Variants in CCSER1 observed in about 807,000 individuals in gnomAD.
CCSER1 encodes coiled-coil serine rich protein 1.
A neutral mutation model predicts 82.0 loss-of-function variants in CCSER1; 41 were observed. The ratio of observed to expected loss-of-function variants is 0.50; its 90% CI spans 0.39 to 0.65. The LOEUF is 0.65. Ranked by LOEUF, CCSER1 falls within the 30% of genes least tolerant of loss-of-function variation. CCSER1 has a pLI of 0.00. For synonymous variants in CCSER1, 414 were observed against 383.9 expected, an observed-to-expected ratio of 1.08 and a Z score of -0.92; for missense variants, 1,119 against 1,064.2, an observed-to-expected ratio of 1.05 and a Z score of -0.72.
chr4:91,127,945 G>A (rs868260488), intron 10 of CCSER1, among the ~76,000 whole-genome samples: 14 of 117,152 alleles, frequency 1.2e-4, no homozygotes, highest in South Asian at 4.8e-4. Flanking sequence ...CCATTGCACT[G>A]GGACACTCCC....
At position 90,669,597 on chromosome 4, in the gene CCSER1, A is replaced by G. The variant is rs1287250140; in HGVS notation, c.1932+41365A>G. ...ATGTTATAACTTGGTAGAGGAAGGTATCGTTTAGGGGAGGGAATAAAAGCA... is the reference window on the plus strand; with the variant it reads ...ATGTTATAACTTGGTAGAGGAAGGTGTCGTTTAGGGGAGGGAATAAAAGCA... On this transcript the variant is annotated intron_variant, in intron 6 of 10. Coordinates refer to ENST00000509176, the MANE Select transcript of CCSER1 (RefSeq NM_001145065.2). Among the ~76,000 whole-genome samples the G allele has an allele frequency of 2.0e-5, 3 of 152,064 alleles. No homozygotes were observed. The East Asian group carries it at 5.8e-4, about 29-fold the overall frequency.
At chr4:91,497,266 C>T (rs1049874716) in intron 10 of CCSER1, among the ~76,000 whole-genome samples, 4 of 151,498 alleles carry the variant, frequency 2.6e-5, no homozygotes, top group African/African-American at 9.7e-5. Context: ...GTAAAAAAAG[C>T]GTTTAGAACA....
At chr4:91,462,236 T>G (rs2149432370) in intron 10 of CCSER1, among the ~76,000 whole-genome samples, 1 of 152,324 alleles carries the variant, frequency 6.6e-6, no homozygotes, top group South Asian at 2.1e-4. Flanking sequence ...TTCCTCCTTA[T>G]CATACAGTTT....
At chr4:90,273,482 C>T (rs1726974675) in intron 1 of CCSER1, among the ~76,000 whole-genome samples, 1 of 151,976 alleles carries the variant, frequency 6.6e-6, no homozygotes, top group Non-Finnish European at 1.5e-5. Context: ...CCATATATAC[C>T]TACTATGTAC....
At chr4:91,150,614 G>T (rs1730076599) in intron 10 of CCSER1, among the ~76,000 whole-genome samples, 1 of 152,082 alleles carries the variant, frequency 6.6e-6, no homozygotes, top group Non-Finnish European at 1.5e-5. Context: ...TACTGGCTGT[G>T]GGTTTGTCAT....
At chr4:91,116,811 T>A (rs1726659314) in intron 10 of CCSER1, among the ~76,000 whole-genome samples, 1 of 152,152 alleles carries the variant, frequency 6.6e-6, no homozygotes, top group South Asian at 2.1e-4. Flanking sequence ...AAGAATTAGT[T>A]TTACCGAGTG....
chr4:91,211,904 T>C (rs749663461), intron 10 of CCSER1, among the ~76,000 whole-genome samples: 2 of 152,030 alleles, frequency 1.3e-5, no homozygotes, highest in Admixed American at 6.6e-5. Context: ...TTAAAAAAAT[T>C]TGTGGAAGAG....
At chr4:90,312,301 T>C (rs566145251) in intron 2 of CCSER1, among the ~76,000 whole-genome samples, 2 of 152,108 alleles carry the variant, frequency 1.3e-5, no homozygotes, top group Non-Finnish European at 2.9e-5. Context: ...GTGAACAGGG[T>C]GCTCCTCCTG....
chr4:90,196,051 T>C (rs1578429245), intron 1 of CCSER1, among the ~76,000 whole-genome samples: 1 of 151,806 alleles, frequency 6.6e-6, no homozygotes, highest in East Asian at 1.9e-4. Flanking sequence ...CAGTGTCCAC[T>C]GCTCCAGGCA....
chr4:90,145,411 C>T (rs1725617922), intron 1 of CCSER1, among the ~76,000 whole-genome samples: 1 of 152,114 alleles, frequency 6.6e-6, no homozygotes, highest in Non-Finnish European at 1.5e-5. Flanking sequence ...TCATATGTTG[C>T]TGCCTTTAAA....
intron 1 of CCSER1, among the ~76,000 whole-genome samples, chr4:90,288,563 A>G (rs1578976386): frequency 6.6e-6 from 1 of 152,054 alleles, no homozygotes; most frequent in Admixed American, 6.6e-5. Context: ...CTGTGCCTGG[A>G]GGAGAATATG....
chr4:90,617,058 G>A (rs1721413739), intron 5 of CCSER1, among the ~76,000 whole-genome samples: 2 of 151,928 alleles, frequency 1.3e-5, no homozygotes, highest in Admixed American at 6.6e-5. Context: ...ATCTCTAAAG[G>A]TGACATAATT....
intron 1 of CCSER1, among the ~76,000 whole-genome samples, chr4:90,246,204 G>A (rs1043810111): frequency 1.1e-4 from 17 of 152,068 alleles, no homozygotes; most frequent in African/African-American, 3.9e-4. Flanking sequence ...TAAAAATAAT[G>A]TGTATGTGTG....
At chr4:90,577,170 T>C (rs955798233) in intron 5 of CCSER1, among the ~76,000 whole-genome samples, 1 of 152,160 alleles carries the variant, frequency 6.6e-6, no homozygotes. Context: ...GTATATCTTT[T>C]TGTTGACGTA....
At chr4:91,551,656 AACACACACACACACACACACACAC>A (rs58159693) in intron 10 of CCSER1, among the ~76,000 whole-genome samples, 32 of 139,522 alleles carry the variant, frequency 2.3e-4, no homozygotes, top group African/African-American at 7.3e-4. Flanking sequence ...GCAAAAAACA[AACACACACACACACACACACACAC>A]ACACACACAC....
At chr4:90,573,087 G>A (rs183278268) in intron 5 of CCSER1, among the ~76,000 whole-genome samples, 51 of 152,342 alleles carry the variant, frequency 3.3e-4, no homozygotes, top group Admixed American at 7.2e-4. Context: ...TGACTCCTGG[G>A]GTGGACTGCA....
intron 10 of CCSER1, among the ~76,000 whole-genome samples, chr4:91,241,646 A>G (rs1013543836): frequency 3.3e-5 from 5 of 152,156 alleles, no homozygotes; most frequent in Non-Finnish European, 7.4e-5. Flanking sequence ...TACTTTTTAT[A>G]TATTTTGGTA....
intron 5 of CCSER1, among the ~76,000 whole-genome samples, chr4:90,616,180 A>G (rs1180514242): frequency 1.3e-5 from 2 of 152,208 alleles, no homozygotes; most frequent in Non-Finnish European, 2.9e-5. Context: ...ATGTGCTAGG[A>G]AAGCAAAAAA....
chr4:90,245,530 G>A (rs1238682145), intron 1 of CCSER1, among the ~76,000 whole-genome samples: 1 of 152,104 alleles, frequency 6.6e-6, no homozygotes, highest in African/African-American at 2.4e-5. Flanking sequence ...TGTTAGTGTA[G>A]AATTAACTAC....
Sources: allele counts gnomAD v4.1 joint callset (sites outside exome capture counted in the v4.1 genomes callset), GRCh38; gene constraint gnomAD v4.1.1; transcripts MANE v1.5; gene names NCBI Gene and HGNC (gene_info 2026-07-23, HGNC 2026-07-21).